ROBO2: variants seen among roughly 807,000 people sequenced by gnomAD.
ROBO2 encodes roundabout homolog 2.
Under a neutral mutation model 160.8 loss-of-function variants are expected in ROBO2, and 53 were observed. The ratio of observed to expected loss-of-function variants is 0.33; its 90% CI spans 0.26 to 0.41. ROBO2 has a LOEUF of 0.41. ROBO2 is among the 10% of genes least tolerant of loss of function. ROBO2 has a pLI of 1.00. For missense variants in ROBO2, 1,577 were observed against 1,722.4 expected (o/e 0.92, Z 1.49); for synonymous variants, 664 against 611.7 (o/e 1.09, Z -1.26).
chr3:77,039,905 C>G (rs1199536908), exon 1 of ROBO2: 2 of 161,878 alleles, frequency 1.2e-5, no homozygotes, highest in African/African-American at 4.8e-5. Context: ...CCTCAGCGCG[C>G]CTGGCGCTGG....
chr3:76,416,291 T>C (rs182175391), intron 2 of ROBO2, among the ~76,000 whole-genome samples: 15 of 152,294 alleles, frequency 9.8e-5, no homozygotes, highest in Non-Finnish European at 2.1e-4. Context: ...TAGTTTTGTG[T>C]CTTTTGAGTC....
chr3:76,537,369 A>G (rs950606147), intron 2 of ROBO2, among the ~76,000 whole-genome samples: 1 of 152,094 alleles, frequency 6.6e-6, no homozygotes, highest in South Asian at 2.1e-4. Flanking sequence ...TCAAGTTTGT[A>G]TTGGGGCCGA....
At chr3:76,573,584 A>T (rs925540882) in intron 2 of ROBO2, among the ~76,000 whole-genome samples, 1 of 149,964 alleles carries the variant, frequency 6.7e-6, no homozygotes, top group Non-Finnish European at 1.5e-5. Flanking sequence ...TTGTAACATG[A>T]TTCCAGAGAT....
At chr3:76,293,443 G>A (rs1044900181) in intron 2 of ROBO2, among the ~76,000 whole-genome samples, 6 of 152,148 alleles carry the variant, frequency 3.9e-5, no homozygotes, top group African/African-American at 1.2e-4. Flanking sequence ...ATGCCGGGAG[G>A]TGAGTCAGAA....
At chr3:77,517,445 C>T (rs547181454) in intron 5 of ROBO2, among the ~76,000 whole-genome samples, 8 of 151,528 alleles carry the variant, frequency 5.3e-5, no homozygotes, top group South Asian at 2.1e-4. Context: ...CTTTAAACAC[C>T]GTAAATAAAT....
chr3:77,227,437 T>C (rs1025900135), intron 2 of ROBO2, among the ~76,000 whole-genome samples: 1 of 152,166 alleles, frequency 6.6e-6, no homozygotes, highest in African/African-American at 2.4e-5. Flanking sequence ...AAAAGGTAAA[T>C]ATTGAAAAAA....
intron 20 of ROBO2, among the ~76,000 whole-genome samples, chr3:77,603,363 G>A (rs2094467802): frequency 6.6e-6 from 1 of 152,070 alleles, no homozygotes; most frequent in Non-Finnish European, 1.5e-5. Context: ...ATACATGAAA[G>A]TCAATTCCAT....
intron 2 of ROBO2, among the ~76,000 whole-genome samples, chr3:76,574,048 T>C (rs1181474403): frequency 1.3e-5 from 2 of 152,096 alleles, no homozygotes; most frequent in African/African-American, 4.8e-5. Context: ...TGAACTAGAG[T>C]GTATTTGAGA....
At chr3:77,389,094 G>A (rs1284816940) in intron 2 of ROBO2, among the ~76,000 whole-genome samples, 2 of 152,062 alleles carry the variant, frequency 1.3e-5, no homozygotes, top group Non-Finnish European at 2.9e-5. Context: ...ACAGCCGCCC[G>A]CCACCATGCC....
intron 2 of ROBO2, among the ~76,000 whole-genome samples, chr3:77,331,571 A>G (rs1050866370): frequency 6.6e-6 from 1 of 152,224 alleles, no homozygotes; most frequent in African/African-American, 2.4e-5. Context: ...CAAAGAAAAA[A>G]ATACTTGCAA....
intron 2 of ROBO2, among the ~76,000 whole-genome samples, chr3:77,157,680 GCTTTA>G (rs1175681160): frequency 1.3e-5 from 2 of 152,030 alleles, no homozygotes; most frequent in Non-Finnish European, 2.9e-5. Context: ...GAGTATTCTT[GCTTTA>G]CTTTATTGTA....
intron 2 of ROBO2, among the ~76,000 whole-genome samples, chr3:76,161,193 ACT>A (rs946485924): frequency 6.6e-6 from 1 of 151,464 alleles, no homozygotes; most frequent in African/African-American, 2.4e-5. Flanking sequence ...AAATACAGTG[ACT>A]CTGATGACAG....
chr3:76,853,840 G>A (rs1426853097), intron 2 of ROBO2, among the ~76,000 whole-genome samples: 2 of 151,756 alleles, frequency 1.3e-5, no homozygotes, highest in Admixed American at 1.3e-4. Flanking sequence ...TTTATTTTTT[G>A]TGTTTATTAT....
At chr3:76,238,649 AT>A (rs1705104960) in intron 2 of ROBO2, among the ~76,000 whole-genome samples, 1 of 150,288 alleles carries the variant, frequency 6.7e-6, no homozygotes, top group South Asian at 2.1e-4. Flanking sequence ...ACATGAGGGG[AT>A]TATGTGAGAA....
chr3:77,401,862 A>C (rs1285678483), intron 2 of ROBO2, among the ~76,000 whole-genome samples: 1 of 152,170 alleles, frequency 6.6e-6, no homozygotes, highest in Non-Finnish European at 1.5e-5. Flanking sequence ...ACAATGGTTG[A>C]ACTAATTTAC....
chr3:77,215,052 T>C (rs530479434), intron 2 of ROBO2, among the ~76,000 whole-genome samples: 41 of 152,314 alleles, frequency 2.7e-4, no homozygotes, highest in African/African-American at 9.6e-4. Context: ...CTGACAATTA[T>C]GTGTCTTGGA....
At chr3:76,902,295 T>C (rs2148881334) in intron 2 of ROBO2, among the ~76,000 whole-genome samples, 1 of 152,166 alleles carries the variant, frequency 6.6e-6, no homozygotes, top group Non-Finnish European at 1.5e-5. Context: ...ATAAAGGCTA[T>C]AATACTACAT....
intron 2 of ROBO2, among the ~76,000 whole-genome samples, chr3:76,100,277 C>T (rs2069631117): frequency 6.6e-6 from 1 of 152,174 alleles, no homozygotes; most frequent in Non-Finnish European, 1.5e-5. Flanking sequence ...TCAATAGAAT[C>T]ACCACATTTA....
intron 2 of ROBO2, among the ~76,000 whole-genome samples, chr3:76,732,282 G>A (rs1464545567): frequency 1.3e-5 from 2 of 152,170 alleles, no homozygotes; most frequent in African/African-American, 4.8e-5. Flanking sequence ...TGTTGATGTG[G>A]CTGAAGTTGA....
Sources: gnomAD v4.1 joint callset for allele counts (sites outside exome capture counted in the v4.1 genomes callset) on GRCh38, gnomAD v4.1.1 for gene constraint, MANE v1.5 for transcripts, NCBI Gene and HGNC (gene_info 2026-07-23, HGNC 2026-07-21) for gene names.